Variants in KDM2B observed in about 807,000 individuals in gnomAD.
KDM2B encodes lysine demethylase 2B.
In KDM2B, 26 loss-of-function variants were observed where a neutral mutation model predicts 150.0. That is an observed-to-expected ratio of 0.17 (90% CI 0.13 to 0.24). KDM2B has a LOEUF of 0.24. KDM2B is among the 10% of genes least tolerant of loss of function. KDM2B has a pLI of 1.00. For missense variants in KDM2B, 1,265 were observed against 1,816.9 expected (o/e 0.70, Z 5.52); for synonymous variants, 734 against 729.5 (o/e 1.01, Z -0.10).
Position 121,442,006 on chromosome 12 carries a change from C to A in KDM2B, c.3284+151G>T. 1 of 665,168 alleles carries A rather than the reference C, an allele frequency of 1.5e-6. No individual in the cohort carries two copies. 41.2% of individuals were successfully genotyped at this position (665,168 alleles called of 1,614,324 possible). ...ACCTCCTCTGACAAGACCAGAGGGGCCGCTGTAGCCAGCTGGAACGCTTTG... is the reference window on the plus strand; with the variant it reads ...ACCTCCTCTGACAAGACCAGAGGGGACGCTGTAGCCAGCTGGAACGCTTTG... On this transcript the variant is annotated intron_variant, in intron 19 of 22. Coordinates refer to ENST00000377071, the MANE Select transcript of KDM2B (RefSeq NM_032590.5). This position sits in a 1 kb window ranked among gnomAD's most constrained non-coding sequence, Gnocchi z 7.7.
At position 121,568,866 on chromosome 12, in the gene KDM2B, TAAAA is replaced by T. The variant is rs56132369; in HGVS notation, c.397+5677_397+5680del. Among the ~76,000 whole-genome samples the T allele has an allele frequency of 1.9e-3, 259 of 139,892 alleles. 2 individuals carry two copies. Among genetic ancestry groups the T allele is most frequent in the African/African-American group, 5.0e-3 (191 of 37,860 alleles). 91.8% of individuals were successfully genotyped at this position (139,892 alleles called of 152,430 possible). A position where few individuals can be genotyped will look rare whatever the true frequency, so the allele number is the denominator to read the frequency against. On this transcript the variant is annotated intron_variant, in intron 4 of 22. Transcript: ENST00000377071. ...ACAGAAATGGAAACTGCTTTTTTGT[TAAAA>T]AAAAAAAAAAAAAAAGGCTTGGAGC...
chr12:121,548,487 C>A (rs1889236710), intron 6 of KDM2B, among the ~76,000 whole-genome samples: 1 of 152,152 alleles, frequency 6.6e-6, no homozygotes, highest in Middle Eastern at 3.2e-3. Context: ...CCAAAGCATC[C>A]AATGTGGGCA....
rs180952721 is a variant in KDM2B at position 121,548,874 on chromosome 12, T to C, written c.683+3A>G. 5.1e-4 allele frequency: 820 copies of C among 1,612,696 alleles called. 4 individuals carry two copies. The African/African-American group carries it at 9.4e-3, about 18-fold the overall frequency. On this transcript the variant is annotated splice_donor_region_variant and intron_variant, in intron 6 of 22. Coordinates refer to ENST00000377071, the MANE Select transcript of KDM2B (RefSeq NM_032590.5). ...GCTCTGGCCACCAGCCAGGCAGTCTTACTTTTTCACTTTCGGGTACTTCAT... is the reference window on the plus strand; with the variant it reads ...GCTCTGGCCACCAGCCAGGCAGTCTCACTTTTTCACTTTCGGGTACTTCAT...
chr12:121,554,956 C>A (rs1555312460), intron 4 of KDM2B, among the ~76,000 whole-genome samples: 1 of 152,092 alleles, frequency 6.6e-6, no homozygotes, highest in African/African-American at 2.4e-5. Flanking sequence ...GAAGCTGAAG[C>A]AGGAGGATCA....
intron 11 of KDM2B, among the ~76,000 whole-genome samples, chr12:121,502,783 A>C (rs1426992776): frequency 6.7e-6 from 1 of 148,410 alleles, no homozygotes; most frequent in Admixed American, 6.7e-5. Flanking sequence ...AAAAAAAAAA[A>C]AAAACTTAAA....
At chr12:121,423,497 C>T in the KDM2B span, 2 of 1,614,206 alleles carry the variant, frequency 1.2e-6, no homozygotes, top group South Asian at 1.1e-5. The surrounding 1 kb of genome is among the most constrained non-coding windows in gnomAD (Gnocchi z 4.3). Context: ...GTTACCTGCA[C>T]CAAGTGCGGC....
chr12:121,467,053 C>G lies in KDM2B; in HGVS notation c.1735-13709G>C. ...CCGGCAGCGGCAGCAAAACTTTCTC[C>G]TCATCGCGGCGGCGGCGGCGTCGCG... On this transcript the variant is annotated intron_variant, in intron 12 of 22. Coordinates refer to ENST00000377071, the MANE Select transcript of KDM2B (RefSeq NM_032590.5). This position sits in a 1 kb window ranked among gnomAD's most constrained non-coding sequence, Gnocchi z 5.1. The G allele has an allele frequency of 5.3e-6, 3 of 562,164 alleles. No individual in the cohort carries two copies. The highest frequency in any genetic ancestry group is 7.0e-6 in the Non-Finnish European group (3 of 430,134). The allele number at this position is 562,164 out of a possible 1,614,324, so 34.8% of individuals were successfully genotyped here.
chr12:121,474,234 C>A (rs1566310892), intron 12 of KDM2B, among the ~76,000 whole-genome samples: 1 of 152,140 alleles, frequency 6.6e-6, no homozygotes, highest in Non-Finnish European at 1.5e-5. Flanking sequence ...TTAGGTACGG[C>A]CGGGCACGGT....
At chr12:121,483,367 G>C (rs1555298241) in intron 12 of KDM2B, among the ~76,000 whole-genome samples, 1 of 151,642 alleles carries the variant, frequency 6.6e-6, no homozygotes, top group Admixed American at 6.6e-5. Context: ...CCAAAATGCA[G>C]AGTAGACCGG....
Position 121,494,642 on chromosome 12 carries a change from A to T in KDM2B, c.1671T>A (p.Asp557Glu). Residue 557 changes from aspartate to glutamate, a missense_variant, in exon 12 of 23, where the codon GAT (aspartate) becomes GAA (glutamate). Around this residue, in one of 11 missense-constraint regions of KDM2B, gnomAD observed 69 missense variants for 85.7 expected, o/e 0.81. Coordinates refer to ENST00000377071, the MANE Select transcript of KDM2B (RefSeq NM_032590.5). Reference protein sequence around the residue: ...GVKNVLKEHADDDPSLAITGV... With the variant: ...GVKNVLKEHAEDDPSLAITGV... ...CAGTGATGGCCAGACTAGGGTCATC[A>T]TCTGCGTGCTCCTTCAGGACGTTCT... is the stretch of plus-strand genomic sequence containing the variant. 3.1e-6 allele frequency: 5 copies of T among 1,613,034 alleles called. No individual in the cohort carries two copies. Among genetic ancestry groups the T allele is most frequent in the Non-Finnish European group, 4.2e-6 (5 of 1,179,562 alleles).
chr12:121,444,103 G>T lies in KDM2B; in HGVS notation c.2360C>A (p.Pro787Gln), dbSNP rs369468363. The change falls in exon 16 of 23, where the codon CCG becomes CAG. Residue 787 changes from proline to glutamine, a missense_variant. This residue lies in a region of KDM2B where 418 missense variants were observed against 402.4 expected (regional missense o/e 1.04). Coordinates refer to ENST00000377071, the MANE Select transcript of KDM2B (RefSeq NM_032590.5). ...RSDEHSKKVP[P>Q]DGLLRRKSDD... is the part of the protein sequence containing the mutation. Reference sequence around the variant, plus strand: ...AGACTTTCTGCGCAGAAGGCCGTCCGGCGGCACCTTCTTCGAGTGCTCATC... The same window carrying T: ...AGACTTTCTGCGCAGAAGGCCGTCCTGCGGCACCTTCTTCGAGTGCTCATC... 1.2e-6 allele frequency: 2 copies of T among 1,613,694 alleles called. No homozygotes were observed. The highest frequency in any genetic ancestry group is 1.7e-6 in the Non-Finnish European group (2 of 1,180,042).
At chr12:121,497,549 A>T (rs1020612840) in intron 11 of KDM2B, among the ~76,000 whole-genome samples, 2 of 150,842 alleles carry the variant, frequency 1.3e-5, no homozygotes, top group Non-Finnish European at 3.0e-5. Flanking sequence ...CAAGTGATCC[A>T]CCCGCCTCGG....
At chr12:121,573,645 C>T (rs934277702) in intron 4 of KDM2B, among the ~76,000 whole-genome samples, 1 of 149,702 alleles carries the variant, frequency 6.7e-6, no homozygotes, top group East Asian at 2.0e-4. Flanking sequence ...AGCGCAGTGG[C>T]GCCATCTCTG....
At chr12:121,496,867 G>T (rs1884016566) in intron 11 of KDM2B, among the ~76,000 whole-genome samples, 1 of 150,502 alleles carries the variant, frequency 6.6e-6, no homozygotes, top group Non-Finnish European at 1.5e-5. Context: ...TTATAGGTGT[G>T]AGCCCCCCAA....
At position 121,518,451 on chromosome 12, in the gene KDM2B, C is replaced by G. The variant is rs998703709; in HGVS notation, c.1047+2534G>C. Among the ~76,000 whole-genome samples the G allele has an allele frequency of 1.3e-5, 2 of 152,178 alleles. No homozygotes were observed. The highest frequency in any genetic ancestry group is 2.9e-5 in the Non-Finnish European group (2 of 68,032). Reference sequence around the variant, plus strand: ...CCAGCCCAGTCTGCCCCCAAGCCCCCGCTGCCAGCCTGCTTCGGTGAAACC... The same window carrying G: ...CCAGCCCAGTCTGCCCCCAAGCCCCGGCTGCCAGCCTGCTTCGGTGAAACC... On this transcript the variant is annotated intron_variant, in intron 9 of 22. Transcript: ENST00000377071. The surrounding 1 kb of genome is among the most constrained non-coding windows in gnomAD (Gnocchi z 4.4).
rs1555285271 is a variant in KDM2B, at chr12:121,430,475, G to A, written c.3830-6C>T. 1 of 1,609,942 alleles carries A rather than the reference G, an allele frequency of 6.2e-7. No individual in the cohort carries two copies. Among genetic ancestry groups the A allele is most frequent in the Admixed American group, 1.7e-5 (1 of 60,006 alleles). The stretch of plus-strand genomic sequence containing the variant: ...ATCAGTGACCTTATTGCAGTCTGCA[G>A]AGAAGAAATAGTAATGTGAGGTGTG... On this transcript the variant is annotated splice_region_variant and splice_polypyrimidine_tract_variant and intron_variant, in intron 22 of 22. Coordinates refer to ENST00000377071, the MANE Select transcript of KDM2B (RefSeq NM_032590.5). This position sits in a 1 kb window ranked among gnomAD's most constrained non-coding sequence, Gnocchi z 4.4.
chr12:121,456,248 C>A (rs1318973902), intron 12 of KDM2B, among the ~76,000 whole-genome samples: 1 of 152,234 alleles, frequency 6.6e-6, no homozygotes, highest in Non-Finnish European at 1.5e-5. Flanking sequence ...CCACATGCTC[C>A]TGGAAGGGCT....
intron 6 of KDM2B, chr12:121,536,259 C>T (rs1888086835): frequency 5.5e-6 from 1 of 182,774 alleles, no homozygotes; most frequent in Non-Finnish European, 1.0e-5. Flanking sequence ...CCGCGTCCCT[C>T]CTCCCCATAG....
chr12:121,535,298 G>A (rs1887999726), intron 6 of KDM2B, among the ~76,000 whole-genome samples: 1 of 152,056 alleles, frequency 6.6e-6, no homozygotes, highest in Admixed American at 6.5e-5. Context: ...AAAAGTAAGG[G>A]GGGGTTCCAG....
Sources: gnomAD v4.1 joint callset for allele counts (sites outside exome capture counted in the v4.1 genomes callset) on GRCh38, gnomAD v4.1.1 for gene constraint, gnomAD v4.1.1 regional missense constraint, Gnocchi (gnomAD v3.1) non-coding constraint, MANE v1.5 for transcripts, NCBI Gene and HGNC (gene_info 2026-07-23, HGNC 2026-07-21) for gene names.